Variants in CUL1 observed in about 807,000 individuals in gnomAD.
CUL1 encodes the protein cullin-1.
CUL1 carries 24 observed loss-of-function variants against 118.0 expected under a neutral mutation model. The observed-to-expected ratio is 0.20, with a 90% CI of 0.15 to 0.29. The LOEUF (loss-of-function observed/expected upper bound fraction) is 0.29, where lower values mean the gene tolerates loss of function less well. CUL1 is among the 10% of genes least tolerant of loss of function. The pLI is 1.00. For missense variants in CUL1, 361 were observed against 933.8 expected (o/e 0.39, Z 7.99); for synonymous variants, 332 against 340.4 (o/e 0.98, Z 0.27).
chr7:148,711,816 A>G (rs185057546), intron 1 of CUL1, among the ~76,000 whole-genome samples: 4 of 152,366 alleles, frequency 2.6e-5, no homozygotes, highest in East Asian at 3.9e-4. Context: ...GGTTCACCAC[A>G]CATGAGGGAA....
chr7:148,733,464 G>A (rs1041305829), intron 2 of CUL1, among the ~76,000 whole-genome samples: 5 of 152,168 alleles, frequency 3.3e-5, no homozygotes, highest in African/African-American at 1.2e-4. Context: ...TTGGAATTGC[G>A]TATATGTTGC....
chr7:148,796,263 A>T (rs982354836), intron 17 of CUL1, among the ~76,000 whole-genome samples: 3 of 152,134 alleles, frequency 2.0e-5, no homozygotes, highest in Non-Finnish European at 4.4e-5. Context: ...TTTGTCTGTT[A>T]ATATGGTGTA....
At chr7:148,749,415 C>CAAAAAAAAAAAAAAAAA (rs61460309) in intron 2 of CUL1, among the ~76,000 whole-genome samples, 1 of 56,450 alleles carries the variant, frequency 1.8e-5, no homozygotes, top group Non-Finnish European at 3.2e-5. Context: ...GACTCCATCT[C>CAAAAAAAAAAAAAAAAA]AAAAAAAAAA....
At chr7:148,713,074 C>T (rs780726361) in intron 1 of CUL1, among the ~76,000 whole-genome samples, 41 of 152,156 alleles carry the variant, frequency 2.7e-4, no homozygotes, top group Middle Eastern at 3.2e-3. Flanking sequence ...ATGATCTACA[C>T]AATAATGAAT....
At chr7:148,788,365 G>A (rs182400576) in intron 13 of CUL1, among the ~76,000 whole-genome samples, 192 bp from the exon 14 acceptor site, 3 of 152,308 alleles carry the variant, frequency 2.0e-5, no homozygotes, top group Admixed American at 2.0e-4. Flanking sequence ...ATAGAGTTGT[G>A]GGGTTTTTTG....
rs199972633 is a variant in CUL1, at chr7:148,789,763, T to C, written c.1611T>C (p.Ile537=). 1 of 1,614,194 alleles carries C rather than the reference T, an allele frequency of 6.2e-7. No individual in the cohort carries two copies. The highest frequency in any genetic ancestry group is 1.7e-5 in the Admixed American group (1 of 60,024). Residue 537 remains isoleucine, a synonymous_variant, in exon 15 of 22, where the codon ATT becomes ATC. Coordinates refer to ENST00000325222, the MANE Select transcript of CUL1 (RefSeq NM_003592.3). ...NSEPLDLDFS[I]QVLSSGSWPF... is the part of the protein sequence containing the mutation. Reference sequence around the variant, plus strand: ...TCCGTCCCACAGTGGATTTCAGCATTCAAGTGCTGAGCTCCGGGTCCTGGC... The same window carrying C: ...TCCGTCCCACAGTGGATTTCAGCATCCAAGTGCTGAGCTCCGGGTCCTGGC...
intron 9 of CUL1, among the ~76,000 whole-genome samples, chr7:148,769,627 CAGAT>C (rs1346975480): frequency 2.0e-5 from 3 of 152,116 alleles, no homozygotes; most frequent in Non-Finnish European, 2.9e-5. Flanking sequence ...GTTATTTCAT[CAGAT>C]AGATTAATGA....
chr7:148,777,067 G>A (rs538012266), intron 9 of CUL1, among the ~76,000 whole-genome samples: 98 of 152,276 alleles, frequency 6.4e-4, no homozygotes, highest in African/African-American at 2.3e-3. Context: ...CATTTACAGA[G>A]TACATTCTGA....
chr7:148,766,465 T>C, intron 7 of CUL1, 96 bp from the exon 8 acceptor site: 1 of 1,071,178 alleles, frequency 9.3e-7, no homozygotes. Flanking sequence ...GAATTTAATT[T>C]GCCATTTTTC....
At chr7:148,779,858 C>T (rs1044727628) in intron 9 of CUL1, among the ~76,000 whole-genome samples, 2 of 152,124 alleles carry the variant, frequency 1.3e-5, no homozygotes, top group Non-Finnish European at 2.9e-5. Context: ...GAAAGGCAGA[C>T]CCACCCTCAA....
intron 2 of CUL1, among the ~76,000 whole-genome samples, chr7:148,736,007 TAAAA>T (rs60787796): frequency 0.037 from 4,969 of 132,714 alleles, 297 homozygotes; most frequent in African/African-American, 0.12. Flanking sequence ...ACCTTGTCTT[TAAAA>T]AAAAAAAAAA....
Position 148,757,137 on chromosome 7 carries a change from A to G in CUL1, c.470A>G (p.Tyr157Cys). Reference protein sequence around the residue: ...RECDEGRKGIYEIYSLALVTW... With the variant: ...RECDEGRKGICEIYSLALVTW... Reference sequence around the variant, plus strand: ...TGTGACGAAGGACGAAAAGGAATATATGAAATCTATTCGGTAAGAGTTTTG... The same window carrying G: ...TGTGACGAAGGACGAAAAGGAATATGTGAAATCTATTCGGTAAGAGTTTTG... Residue 157 changes from tyrosine (Y) to cysteine (C), a missense_variant, in exon 4 of 22, where the codon TAT (tyrosine) becomes TGT (cysteine). Around this residue, in one of 7 missense-constraint regions of CUL1, gnomAD observed 169 missense variants for 429.7 expected, o/e 0.39. Coordinates refer to ENST00000325222, the MANE Select transcript of CUL1 (RefSeq NM_003592.3). 1 of 1,550,172 alleles carries G rather than the reference A, an allele frequency of 6.5e-7. No homozygotes were observed.
At chr7:148,786,827 A>G (rs1324829273) in intron 12 of CUL1, among the ~76,000 whole-genome samples, 162 bp from the exon 13 acceptor site, 1 of 152,236 alleles carries the variant, frequency 6.6e-6, no homozygotes, top group Non-Finnish European at 1.5e-5. Context: ...AAAACTTTCA[A>G]GACTCTGGAG....
chr7:148,725,207 A>ACGCGCGCGCGCG (rs1263565835), intron 1 of CUL1, among the ~76,000 whole-genome samples: 85 of 107,720 alleles, frequency 7.9e-4, no homozygotes, highest in Middle Eastern at 4.5e-3. Context: ...GTACACACAC[A>ACGCGCGCGCGCG]CACACGCGCG....
intron 2 of CUL1, among the ~76,000 whole-genome samples, chr7:148,747,473 G>T (rs1381694071): frequency 6.6e-6 from 1 of 152,172 alleles, no homozygotes; most frequent in East Asian, 1.9e-4. Flanking sequence ...TAGGCTGGCC[G>T]GTAGGGGTCA....
intron 9 of CUL1, among the ~76,000 whole-genome samples, chr7:148,775,571 A>G (rs1466782804): frequency 6.6e-6 from 1 of 152,216 alleles, no homozygotes; most frequent in Non-Finnish European, 1.5e-5. Flanking sequence ...AAGGAGAAAG[A>G]GTGTCTTTAG....
chr7:148,799,491 G>A lies in CUL1; in HGVS notation c.2250+103G>A, dbSNP rs1380301721. 8.1e-6 allele frequency: 6 copies of A among 739,582 alleles called. No homozygotes were observed. In the African/African-American group the frequency reaches 8.9e-5, roughly 11 times the overall value. 45.8% of individuals were successfully genotyped at this position (739,582 alleles called of 1,614,324 possible). A position where few individuals can be genotyped will look rare whatever the true frequency, so the allele number is the denominator to read the frequency against. On this transcript the variant is annotated intron_variant, in intron 21 of 21. Transcript: ENST00000325222. ...CTGTAGCATGAAGGAGGAGGGAGCT[G>A]GCTTCTTTGTATGTAGATTTCTATA... is the stretch of plus-strand genomic sequence containing the variant.
chr7:148,703,063 C>T (rs978130464), intron 1 of CUL1, among the ~76,000 whole-genome samples: 2 of 152,136 alleles, frequency 1.3e-5, no homozygotes, highest in Non-Finnish European at 2.9e-5. Flanking sequence ...CCGAGTTAAA[C>T]GGGACAGGAT....
At chr7:148,725,783 A>G (rs1798561683) in intron 1 of CUL1, among the ~76,000 whole-genome samples, 2 of 152,190 alleles carry the variant, frequency 1.3e-5, no homozygotes, top group Non-Finnish European at 2.9e-5. Flanking sequence ...TGTATTAGTT[A>G]TTAATGTTTT....
Sources: allele counts gnomAD v4.1 joint callset (sites outside exome capture counted in the v4.1 genomes callset), GRCh38; gene constraint gnomAD v4.1.1; regional missense constraint gnomAD v4.1.1; transcripts MANE v1.5; gene names NCBI Gene and HGNC (gene_info 2026-07-23, HGNC 2026-07-21).